RASA4B: variants seen among roughly 807,000 people sequenced by gnomAD.
RASA4B encodes the protein RAS p21 protein activator 4B, also known as ras GTPase-activating protein 4B.
RASA4B carries 2 observed loss-of-function variants against 24.2 expected under a neutral mutation model. That is an observed-to-expected ratio of 0.08 (90% CI 0.03 to 0.26). RASA4B has a LOEUF of 0.26. Among genes scored for constraint, RASA4B ranks in the 10% least tolerant of loss-of-function variants. RASA4B has a pLI of 1.00. For missense variants in RASA4B, 8 were observed against 277.2 expected, an observed-to-expected ratio of 0.03 and a Z score of 6.90; for synonymous variants, 2 against 125.6, an observed-to-expected ratio of 0.02 and a Z score of 6.58.
At chr7:102,493,523 G>A (rs1457521287) in intron 15 of RASA4B, among the ~76,000 whole-genome samples, 2 of 36,234 alleles carry the variant, frequency 5.5e-5, no homozygotes, top group African/African-American at 8.4e-5. Context: ...CGCGTCAGTA[G>A]CAGGTGGCGG....
chr7:102,498,488 C>T (rs1185667011), intron 8 of RASA4B, among the ~76,000 whole-genome samples: 1 of 144,670 alleles, frequency 6.9e-6, no homozygotes, highest in African/African-American at 2.5e-5. Context: ...TCTTGAACTC[C>T]TGATCTCATG....
intron 16 of RASA4B, among the ~76,000 whole-genome samples, chr7:102,492,482 C>T (rs1243472049): frequency 1.3e-5 from 1 of 75,922 alleles, no homozygotes; most frequent in East Asian, 7.1e-4. Context: ...CCTGCCTCTT[C>T]CAGGAAGCCT....
At chr7:102,512,686 A>G (rs1799727100) in intron 1 of RASA4B, among the ~76,000 whole-genome samples, 1 of 119,236 alleles carries the variant, frequency 8.4e-6, no homozygotes, top group Non-Finnish European at 1.7e-5. Flanking sequence ...GGAGAGTAAG[A>G]CAGAGGGGGA....
In RASA4B at chr7:102,491,812, A is replaced by G. The variant is rs1343238565; in HGVS notation, c.1831-689T>C. On this transcript the variant is annotated intron_variant, in intron 16 of 20. Coordinates refer to ENST00000465829, the MANE Select transcript of RASA4B (RefSeq NM_001367767.2). ...ATGGGACCAGAATTAAATAATGCCC[A>G]TGTAGTCAAATCTTTCAACCCTGGC... Among the ~76,000 whole-genome samples the G allele has an allele frequency of 1.2e-3, 120 of 98,742 alleles. 11 individuals are homozygous for G. Among genetic ancestry groups the G allele is most frequent in the Non-Finnish European group, 1.7e-3 (68 of 39,888 alleles). The allele number at this position is 98,742 out of a possible 152,430, so 64.8% of individuals were successfully genotyped here. A position where few individuals can be genotyped will look rare whatever the true frequency, so the allele number is the denominator to read the frequency against.
At chr7:102,503,330 C>T in intron 5 of RASA4B, 86 bp from the exon 6 acceptor site, 1 of 3,268 alleles carries the variant, frequency 3.1e-4, no homozygotes, top group South Asian at 1.7e-3. Flanking sequence ...GTAACCACAG[C>T]GGGCCAAAAG....
chr7:102,512,719 GGA>G (rs1799730694), intron 1 of RASA4B, among the ~76,000 whole-genome samples: 1 of 143,406 alleles, frequency 7.0e-6, no homozygotes, highest in African/African-American at 2.5e-5. Context: ...GAGAGAGGGG[GGA>G]GAGAGAGAAG....
chr7:102,492,544 T>C (rs1452669327), intron 16 of RASA4B, among the ~76,000 whole-genome samples: 6 of 107,288 alleles, frequency 5.6e-5, no homozygotes, highest in African/African-American at 1.6e-4. Flanking sequence ...TGATATACTA[T>C]CTTTAATAAT....
chr7:102,481,211 T>C lies in RASA4B; in HGVS notation c.*2381A>G, dbSNP rs1253839152. Among the ~76,000 whole-genome samples the C allele has an allele frequency of 1.1e-3, 98 of 88,896 alleles. No homozygotes were observed. The highest frequency in any genetic ancestry group is 5.3e-3 in the Middle Eastern group (1 of 188). The allele number at this position is 88,896 out of a possible 152,430, so 58.3% of individuals were successfully genotyped here. On this transcript the variant is annotated 3_prime_UTR_variant, in exon 21 of 21. Transcript: ENST00000465829. ...CAAAAATTTCAAGTCTCCTTTATTT[T>C]CCCTTTTTTTTTTTTTTTTTTTTAA...
chr7:102,512,967 G>A (rs1586787554), intron 1 of RASA4B, among the ~76,000 whole-genome samples: 1 of 152,132 alleles, frequency 6.6e-6, no homozygotes. Flanking sequence ...TCCCGCAGGG[G>A]ATAGAATGTT....
rs1586755080 is a variant in RASA4B, at chr7:102,479,979, G to A, written c.*3613C>T. ...TATATGAATCATTAATCATTAGTTT[G>A]TAGTAATTATTCTTTATTCCAATAT... On this transcript the variant is annotated 3_prime_UTR_variant, in exon 21 of 21. Coordinates refer to ENST00000465829, the MANE Select transcript of RASA4B (RefSeq NM_001367767.2). Among the ~76,000 whole-genome samples the A allele has an allele frequency of 6.6e-6, 1 of 152,210 alleles. No individual in the cohort carries two copies. Among genetic ancestry groups the A allele is most frequent in the South Asian group, 2.1e-4 (1 of 4,818 alleles).
chr7:102,489,440 G>A (rs1399417476), intron 17 of RASA4B, among the ~76,000 whole-genome samples: 2 of 131,170 alleles, frequency 1.5e-5, no homozygotes, highest in Non-Finnish European at 3.3e-5. Flanking sequence ...GTCCCTGCTC[G>A]AATGCCACCC....
chr7:102,491,560 G>C (rs1798945230), intron 16 of RASA4B, among the ~76,000 whole-genome samples: 1 of 58,200 alleles, frequency 1.7e-5, no homozygotes, highest in African/African-American at 2.9e-5. Context: ...CTGAGGTTGG[G>C]AGTTCGAGAC....
chr7:102,509,114 TAA>T (rs1554584911), intron 4 of RASA4B, among the ~76,000 whole-genome samples: 294 of 88,422 alleles, frequency 3.3e-3, no homozygotes, highest in African/African-American at 0.011. Flanking sequence ...GCCTTTTTTT[TAA>T]AAAAAAACTA....
At chr7:102,506,140 T>C (rs1799492968) in intron 5 of RASA4B, among the ~76,000 whole-genome samples, 1 of 151,002 alleles carries the variant, frequency 6.6e-6, no homozygotes, top group South Asian at 2.1e-4. Context: ...ATGGCTCCAG[T>C]TCCTCCATGA....
chr7:102,498,572 G>A (rs1187002025), intron 8 of RASA4B, among the ~76,000 whole-genome samples: 8 of 138,028 alleles, frequency 5.8e-5, no homozygotes, highest in Admixed American at 2.3e-4. Flanking sequence ...TTCTTGAGAC[G>A]GAGTTTCGCT....
At position 102,496,853 on chromosome 7, in the gene RASA4B, G is replaced by GA; in HGVS notation, c.848_849insT (p.Met284HisfsTer54). 1.3e-6 allele frequency: 1 copy of GA among 780,966 alleles called. No homozygotes were observed. Among genetic ancestry groups the GA allele is most frequent in the Non-Finnish European group, 2.0e-6 (1 of 496,890 alleles). 48.4% of individuals were successfully genotyped at this position (780,966 alleles called of 1,614,324 possible). ...CCTGCCCAGGCCCCCTCACCTGCAT[G>GA]CCCAGCTTGACCTCGTGGCACAGCA... On this transcript the variant is annotated frameshift_variant, in exon 9 of 21. Coordinates refer to ENST00000465829, the MANE Select transcript of RASA4B (RefSeq NM_001367767.2). LOFTEE classifies it high-confidence loss of function.
chr7:102,512,643 AGGAGGGGGAGAGAGGGAGGAGAGTAAG>A (rs1799724307), intron 1 of RASA4B, among the ~76,000 whole-genome samples: 1 of 36,420 alleles, frequency 2.7e-5, no homozygotes, highest in Admixed American at 3.7e-4. Context: ...GGAGGAGAGT[AGGAGGGGGAGAGAGGGAGGAGAGTAAG>A]AGGAAGGAGA....
intron 11 of RASA4B, among the ~76,000 whole-genome samples, chr7:102,495,734 C>G (rs1799091273): frequency 1.4e-5 from 1 of 73,484 alleles, no homozygotes; most frequent in Middle Eastern, 6.5e-3. Flanking sequence ...GGGTGCGGGG[C>G]ACGGAGTCTA....
At chr7:102,504,730 T>G (rs1586779109) in intron 5 of RASA4B, among the ~76,000 whole-genome samples, 1 of 126,054 alleles carries the variant, frequency 7.9e-6, no homozygotes, top group Non-Finnish European at 1.6e-5. Flanking sequence ...CCGGGTGCAG[T>G]GGCTCACGCC....
Sources: gnomAD v4.1 joint callset for allele counts (sites outside exome capture counted in the v4.1 genomes callset) on GRCh38, gnomAD v4.1.1 for gene constraint, MANE v1.5 for transcripts, NCBI Gene and HGNC (gene_info 2026-07-23, HGNC 2026-07-21) for gene names.